Variants in DDX4 observed in about 807,000 individuals in gnomAD.
The protein encoded by DDX4 is probable ATP-dependent RNA helicase DDX4.
In DDX4, 25 loss-of-function variants were observed where a neutral mutation model predicts 100.0. The ratio of observed to expected loss-of-function variants is 0.25; its 90% confidence interval spans 0.18 to 0.35. The LOEUF (loss-of-function observed/expected upper bound fraction) is 0.35. DDX4 is among the 10% of genes least tolerant of loss of function. DDX4 has a pLI of 1.00. For missense variants in DDX4, 635 were observed against 882.4 expected, an observed-to-expected ratio of 0.72 and a Z score of 3.55; for synonymous variants, 259 against 275.7, an observed-to-expected ratio of 0.94 and a Z score of 0.60.
At chr5:55,753,431 C>G (rs1759703140) in intron 3 of DDX4, among the ~76,000 whole-genome samples, 1 of 152,078 alleles carries the variant, frequency 6.6e-6, no homozygotes, top group Non-Finnish European at 1.5e-5. Flanking sequence ...AATAGGGAAT[C>G]CTTTCCCCAT....
At chr5:55,746,441 A>G (rs548259830) in intron 3 of DDX4, among the ~76,000 whole-genome samples, 1 of 152,258 alleles carries the variant, frequency 6.6e-6, no homozygotes, top group Non-Finnish European at 1.5e-5. Context: ...ATGGATTACT[A>G]TAAAACATTT....
chr5:55,755,890 T>A (rs1248467378), intron 3 of DDX4, among the ~76,000 whole-genome samples: 2 of 152,160 alleles, frequency 1.3e-5, no homozygotes, highest in East Asian at 3.8e-4. Context: ...GAAGCCTTCC[T>A]TTTTCTTCCA....
chr5:55,763,133 A>G (rs780904519), intron 4 of DDX4, 42 bp from the exon 5 acceptor site: 1 of 1,302,502 alleles, frequency 7.7e-7, no homozygotes, highest in Admixed American at 1.7e-5. Context: ...TGACACACTT[A>G]ATTTTATATG....
chr5:55,755,657 G>GT (rs1376143972), intron 3 of DDX4, among the ~76,000 whole-genome samples: 2 of 151,174 alleles, frequency 1.3e-5, no homozygotes, highest in Admixed American at 6.6e-5. Flanking sequence ...AAAATTACCT[G>GT]TTTTTTTACA....
intron 4 of DDX4, among the ~76,000 whole-genome samples, chr5:55,761,808 C>T (rs1740568658): frequency 6.6e-6 from 1 of 151,904 alleles, no homozygotes; most frequent in Admixed American, 6.6e-5. Context: ...CAGGGTTTCA[C>T]CATGTTGGCC....
In DDX4 at chr5:55,785,459, C is replaced by T. The variant is rs34200022; in HGVS notation, c.686C>T (p.Ser229Leu). 4.8e-5 allele frequency: 77 copies of T among 1,608,400 alleles called. No individual in the cohort carries two copies. Among genetic ancestry groups the T allele is most frequent in the Non-Finnish European group, 5.8e-5 (68 of 1,176,664 alleles). The change falls in exon 12 of 22, where the codon TCA becomes TTA. Residue 229 changes from serine to leucine, a missense_variant. Transcript: ENST00000505374. Reference sequence around the variant, plus strand: ...GATCCTCTTCAAGATTCTTGGAAGTCAGAAGCAGAAGGAGGAGAAAGTAGT... The same window carrying T: ...GATCCTCTTCAAGATTCTTGGAAGTTAGAAGCAGAAGGAGGAGAAAGTAGT... ...ITGSGKNSWK[S>L]EAEGGESSDT...
intron 16 of DDX4, among the ~76,000 whole-genome samples, chr5:55,792,201 G>A (rs1251734333): frequency 6.7e-6 from 1 of 148,814 alleles, no homozygotes; most frequent in Non-Finnish European, 1.5e-5. Flanking sequence ...GCACAGTGTT[G>A]ATCTAGACAT....
intron 7 of DDX4, among the ~76,000 whole-genome samples, chr5:55,772,260 A>T (rs1291738994): frequency 6.6e-6 from 1 of 152,190 alleles, no homozygotes; most frequent in Non-Finnish European, 1.5e-5. Context: ...TTTGTATATA[A>T]TGTGGGAATC....
chr5:55,754,976 A>G (rs1188113727), intron 3 of DDX4, among the ~76,000 whole-genome samples: 1 of 152,152 alleles, frequency 6.6e-6, no homozygotes, highest in Non-Finnish European at 1.5e-5. Context: ...TGTTTGTAGT[A>G]TTCTCTGATG....
At chr5:55,793,589 G>A (rs1261618930) in intron 17 of DDX4, among the ~76,000 whole-genome samples, 1 of 152,176 alleles carries the variant, frequency 6.6e-6, no homozygotes, top group Non-Finnish European at 1.5e-5. Context: ...GTCAAAACCT[G>A]TAGAACATAA....
At chr5:55,789,291 T>C (rs1286803548) in intron 15 of DDX4, among the ~76,000 whole-genome samples, 1 of 152,210 alleles carries the variant, frequency 6.6e-6, no homozygotes, top group Non-Finnish European at 1.5e-5. Flanking sequence ...ATTTACTGTC[T>C]CACCATTTTG....
At chr5:55,761,010 T>A (rs1304984833) in intron 4 of DDX4, among the ~76,000 whole-genome samples, 1 of 152,192 alleles carries the variant, frequency 6.6e-6, no homozygotes, top group Non-Finnish European at 1.5e-5. Context: ...TTTGAAAAAC[T>A]CTATTGAGAC....
intron 21 of DDX4, 117 bp from the exon 22 acceptor site, chr5:55,816,346 G>T: frequency 7.2e-7 from 1 of 1,396,594 alleles, no homozygotes. Flanking sequence ...GATTATTTGG[G>T]GAAGACATGG....
rs779677769 is a variant in DDX4, at chr5:55,815,426, T to C, written c.2097+3T>C. ...TTGCATCAGTTGATACCAGAAAGGT[T>C]AGTAGAAAGGAAAACTTGAGAACTT... is the stretch of plus-strand genomic sequence containing the variant. On this transcript the variant is annotated splice_donor_region_variant and intron_variant, in intron 21 of 21. Transcript: ENST00000505374. 1.9e-6 allele frequency: 3 copies of C among 1,603,050 alleles called. No individual in the cohort carries two copies. The highest frequency in any genetic ancestry group is 1.1e-5 in the South Asian group (1 of 87,824).
chr5:55,784,682 G>T (rs1742138638), intron 10 of DDX4, among the ~76,000 whole-genome samples: 2 of 152,044 alleles, frequency 1.3e-5, no homozygotes, highest in African/African-American at 4.8e-5. Context: ...GTGCCAGGCA[G>T]AAGGTGAGTA....
intron 7 of DDX4, among the ~76,000 whole-genome samples, chr5:55,776,564 T>A (rs1449039955): frequency 1.3e-5 from 2 of 152,240 alleles, no homozygotes; most frequent in Non-Finnish European, 2.9e-5. Flanking sequence ...AAGAACATTA[T>A]ATTCACAACA....
In DDX4 at chr5:55,813,780, G is replaced by A; in HGVS notation, c.1715+8G>A. On this transcript the variant is annotated splice_region_variant and intron_variant, in intron 19 of 21. Transcript: ENST00000505374. Reference sequence around the variant, plus strand: ...AACTACAAGTATTCATGGGTGAGTAGATGAATATAATTACCTATTAGGGGA... The same window carrying A: ...AACTACAAGTATTCATGGGTGAGTAAATGAATATAATTACCTATTAGGGGA... The A allele has an allele frequency of 1.9e-6, 3 of 1,565,472 alleles. No homozygotes were observed. Among genetic ancestry groups the A allele is most frequent in the Non-Finnish European group, 2.6e-6 (3 of 1,161,076 alleles).
intron 2 of DDX4, among the ~76,000 whole-genome samples, chr5:55,745,681 C>T (rs953043234): frequency 6.6e-6 from 1 of 152,182 alleles, no homozygotes; most frequent in Non-Finnish European, 1.5e-5. Context: ...CCTCAGCCTC[C>T]CACAGTGCTG....
intron 2 of DDX4, among the ~76,000 whole-genome samples, chr5:55,741,675 G>T (rs919374518): frequency 2.0e-5 from 3 of 152,086 alleles, no homozygotes; most frequent in Non-Finnish European, 4.4e-5. Context: ...AGTAGCCTCA[G>T]CTACTTGGGA....
Sources: gnomAD v4.1 joint callset for allele counts (sites outside exome capture counted in the v4.1 genomes callset) on GRCh38, gnomAD v4.1.1 for gene constraint, MANE v1.5 for transcripts, NCBI Gene and HGNC (gene_info 2026-07-23, HGNC 2026-07-21) for gene names.